Variants in LRMDA observed in about 807,000 individuals in gnomAD.
LRMDA encodes the protein leucine rich melanocyte differentiation associated.
Under a neutral mutation model 29.8 loss-of-function variants are expected in LRMDA, and 18 were observed. The ratio of observed to expected loss-of-function variants is 0.60; its 90% CI spans 0.42 to 0.90. The LOEUF (loss-of-function observed/expected upper bound fraction) is 0.90. Ranked by LOEUF, LRMDA falls within the 40% of genes least tolerant of loss-of-function variation. The probability of loss-of-function intolerance (pLI) is 0.00; values close to 1 mark genes in which losing one functional copy is unlikely to be tolerated. For missense variants in LRMDA, 273 were observed against 273.9 expected (o/e 1.00, Z 0.02); for synonymous variants, 125 against 109.4 (o/e 1.14, Z -0.89).
At chr10:76,062,654 CTCTGTGTGTGTGTGTG>C (rs1443568730) in intron 5 of LRMDA, among the ~76,000 whole-genome samples, 33 of 136,430 alleles carry the variant, frequency 2.4e-4, no homozygotes, top group African/African-American at 8.4e-4. Flanking sequence ...GACTTTATCT[CTCTGTGTGTGTGTGTG>C]TGTGTGTGTG....
chr10:76,263,668 A>G (rs1839970459), intron 5 of LRMDA, among the ~76,000 whole-genome samples: 1 of 152,180 alleles, frequency 6.6e-6, no homozygotes, highest in Non-Finnish European at 1.5e-5. Context: ...TGTAGAAAGC[A>G]CTCATAGGCT....
chr10:76,405,390 A>C (rs955585733), intron 6 of LRMDA, among the ~76,000 whole-genome samples: 1 of 152,096 alleles, frequency 6.6e-6, no homozygotes, highest in Non-Finnish European at 1.5e-5. Flanking sequence ...TTTTGATGGG[A>C]GGTATGGTGC....
At position 75,452,797 on chromosome 10, in the gene LRMDA, T is replaced by A. The variant is rs114888719; in HGVS notation, c.131+14303T>A. On this transcript the variant is annotated intron_variant, in intron 2 of 6. Transcript: ENST00000611255. ...TAATCCTTCATGACCTCATGTGGAA[T>A]TCAGTTTTCCAACTGCATTAAAAAA... Among the ~76,000 whole-genome samples, 343 of 152,312 alleles carry A rather than the reference T, an allele frequency of 2.3e-3. 2 individuals carry two copies. Among genetic ancestry groups the A allele is most frequent in the African/African-American group, 7.6e-3 (314 of 41,566 alleles).
intron 2 of LRMDA, among the ~76,000 whole-genome samples, chr10:75,696,243 T>C (rs934559934): frequency 1.1e-4 from 17 of 152,252 alleles, no homozygotes; most frequent in Admixed American, 9.8e-4. Context: ...TTGCTTATGC[T>C]TTGTGTACAT....
At chr10:76,289,806 C>T (rs1476480703) in intron 5 of LRMDA, among the ~76,000 whole-genome samples, 3 of 152,156 alleles carry the variant, frequency 2.0e-5, no homozygotes, top group East Asian at 1.9e-4. Flanking sequence ...CAATCCTTTT[C>T]GAGCATCTGA....
At position 75,722,088 on chromosome 10, in the gene LRMDA, A is replaced by G. The variant is rs534699411; in HGVS notation, c.131+283594A>G. ...AATACTTAAAATGCTGTCTGCTCATAAAAAGATTTTAGTCGGGGAGAGGCC... is the reference window on the plus strand; with the variant it reads ...AATACTTAAAATGCTGTCTGCTCATGAAAAGATTTTAGTCGGGGAGAGGCC... On this transcript the variant is annotated intron_variant, in intron 2 of 6. Coordinates refer to ENST00000611255, the MANE Select transcript of LRMDA (RefSeq NM_001305581.2). Among the ~76,000 whole-genome samples, 9 of 152,266 alleles carry G rather than the reference A, an allele frequency of 5.9e-5. No individual in the cohort carries two copies. In the East Asian group the frequency reaches 1.7e-3, roughly 29 times the overall value.
At chr10:75,690,969 T>TAA (rs1191387195) in intron 2 of LRMDA, among the ~76,000 whole-genome samples, 5,170 of 95,918 alleles carry the variant, frequency 0.054, 181 homozygotes, top group East Asian at 0.12. Flanking sequence ...CCCTGTCTCT[T>TAA]AAAAAAAAAA....
At chr10:76,064,511 A>G (rs1310266706) in intron 5 of LRMDA, among the ~76,000 whole-genome samples, 1 of 152,110 alleles carries the variant, frequency 6.6e-6, no homozygotes, top group Non-Finnish European at 1.5e-5. Context: ...TTTTGTCTAT[A>G]CCTAAAGGAG....
chr10:75,438,829 G>A (rs1343875511), intron 2 of LRMDA, among the ~76,000 whole-genome samples: 1 of 152,196 alleles, frequency 6.6e-6, no homozygotes, highest in Admixed American at 6.5e-5. Flanking sequence ...TCTTGGGGAA[G>A]GAATGAGATG....
intron 6 of LRMDA, among the ~76,000 whole-genome samples, chr10:76,473,407 G>C (rs566375759): frequency 6.6e-6 from 1 of 151,386 alleles, no homozygotes; most frequent in South Asian, 2.1e-4. Flanking sequence ...GGTTACCATC[G>C]TACTTAATGG....
At chr10:76,122,675 A>G (rs1229760726) in intron 5 of LRMDA, among the ~76,000 whole-genome samples, 1 of 152,198 alleles carries the variant, frequency 6.6e-6, no homozygotes, top group African/African-American at 2.4e-5. Flanking sequence ...CTCTCTTACA[A>G]TGCAAAGCCG....
chr10:75,790,013 A>G (rs1287787880), intron 2 of LRMDA, among the ~76,000 whole-genome samples: 1 of 152,172 alleles, frequency 6.6e-6, no homozygotes, highest in Non-Finnish European at 1.5e-5. Flanking sequence ...AACTTTGAGC[A>G]GGTAGATTTT....
chr10:76,524,942 C>T (rs965074175), intron 6 of LRMDA, among the ~76,000 whole-genome samples: 4 of 152,142 alleles, frequency 2.6e-5, no homozygotes, highest in Admixed American at 2.0e-4. Context: ...AAATAACACA[C>T]ACTTTATAAA....
chr10:76,121,513 T>C (rs1849789053), intron 5 of LRMDA, among the ~76,000 whole-genome samples: 1 of 152,222 alleles, frequency 6.6e-6, no homozygotes, highest in South Asian at 2.1e-4. Flanking sequence ...TGCCTTGGTT[T>C]CTCCATTGGG....
chr10:76,069,212 G>A (rs1292401310), intron 5 of LRMDA, among the ~76,000 whole-genome samples: 5 of 152,114 alleles, frequency 3.3e-5, no homozygotes, highest in Non-Finnish European at 5.9e-5. Flanking sequence ...CATCTTCTTT[G>A]TCACTCTGAC....
intron 2 of LRMDA, among the ~76,000 whole-genome samples, chr10:75,562,587 T>G (rs1162169735): frequency 1.3e-5 from 2 of 152,138 alleles, no homozygotes; most frequent in Admixed American, 6.5e-5. Flanking sequence ...GTTAGCTGGT[T>G]ATTTTGCTCG....
chr10:75,609,337 G>A (rs1006288440), intron 2 of LRMDA, among the ~76,000 whole-genome samples: 12 of 152,130 alleles, frequency 7.9e-5, no homozygotes, highest in Non-Finnish European at 7.3e-5. Context: ...AAGTACTGGG[G>A]TTCTTGTCAA....
chr10:75,540,004 A>G (rs1839997206), intron 2 of LRMDA, among the ~76,000 whole-genome samples: 1 of 152,166 alleles, frequency 6.6e-6, no homozygotes, highest in South Asian at 2.1e-4. Context: ...ACCTATTACT[A>G]TCTGTTCTAG....
At chr10:76,411,719 C>A (rs11598028) in intron 6 of LRMDA, among the ~76,000 whole-genome samples, 44,773 of 152,146 alleles carry the variant, frequency 0.29, 8,337 homozygotes, top group Middle Eastern at 0.46. Flanking sequence ...TGCAACGGTG[C>A]CAGCAGTGGG....
Sources: gnomAD v4.1 joint callset for allele counts (sites outside exome capture counted in the v4.1 genomes callset) on GRCh38, gnomAD v4.1.1 for gene constraint, MANE v1.5 for transcripts, NCBI Gene and HGNC (gene_info 2026-07-23, HGNC 2026-07-21) for gene names.